Variants in FSTL5 observed in about 807,000 individuals in gnomAD.
FSTL5 encodes the protein follistatin like 5.
Under a neutral mutation model 89.1 loss-of-function variants are expected in FSTL5, and 62 were observed. That is an observed-to-expected ratio of 0.70 (90% CI 0.57 to 0.86). FSTL5 has a LOEUF of 0.86. Ranked by LOEUF, FSTL5 falls within the 40% of genes least tolerant of loss-of-function variation. FSTL5 has a pLI of 0.00. For missense variants in FSTL5, 1,057 were observed against 1,001.6 expected (o/e 1.06, Z -0.75); for synonymous variants, 383 against 346.2 (o/e 1.11, Z -1.18).
chr4:161,490,239 A>T (rs4373120), intron 12 of FSTL5, among the ~76,000 whole-genome samples: 2 of 151,908 alleles, frequency 1.3e-5, no homozygotes, highest in Admixed American at 6.6e-5. Context: ...TGAAGATGGA[A>T]CATCCGATAT....
intron 3 of FSTL5, among the ~76,000 whole-genome samples, chr4:161,980,360 A>T (rs1490744048): frequency 6.6e-6 from 1 of 152,130 alleles, no homozygotes; most frequent in Non-Finnish European, 1.5e-5. Context: ...GGATTTGAAA[A>T]GTAAAATTGA....
intron 4 of FSTL5, among the ~76,000 whole-genome samples, chr4:161,808,936 T>C (rs1224565709): frequency 6.6e-6 from 1 of 152,108 alleles, no homozygotes; most frequent in South Asian, 2.1e-4. Context: ...ACGTAAATCA[T>C]GACCGGGTGC....
chr4:162,040,142 T>C (rs910000328), intron 2 of FSTL5, among the ~76,000 whole-genome samples: 3 of 152,060 alleles, frequency 2.0e-5, no homozygotes, highest in Non-Finnish European at 2.9e-5. Flanking sequence ...TAATTATTAC[T>C]TCCCAGACAA....
At chr4:161,796,338 A>G (rs1729633469) in intron 4 of FSTL5, among the ~76,000 whole-genome samples, 1 of 151,818 alleles carries the variant, frequency 6.6e-6, no homozygotes, top group South Asian at 2.1e-4. Context: ...AGGAATCCCA[A>G]GACTTCTTAG....
At chr4:161,808,644 A>G (rs139620326) in intron 4 of FSTL5, among the ~76,000 whole-genome samples, 1,976 of 152,266 alleles carry the variant, frequency 0.013, 23 homozygotes, top group Non-Finnish European at 0.021. Flanking sequence ...AAACCCAGAT[A>G]AAATGAAACT....
At chr4:161,749,779 G>A (rs1004169615) in intron 6 of FSTL5, among the ~76,000 whole-genome samples, 113 of 150,670 alleles carry the variant, frequency 7.5e-4, no homozygotes, top group African/African-American at 4.9e-5. Context: ...GCGACAGAGC[G>A]AGACTCCGTC....
chr4:161,612,241 AT>A (rs1279236213), intron 7 of FSTL5, among the ~76,000 whole-genome samples: 1 of 152,232 alleles, frequency 6.6e-6, no homozygotes, highest in Non-Finnish European at 1.5e-5. Context: ...GAGGAAATGA[AT>A]TTTGCATTAA....
intron 4 of FSTL5, among the ~76,000 whole-genome samples, chr4:161,809,008 G>A (rs575502731): frequency 1.3e-5 from 2 of 152,278 alleles, no homozygotes; most frequent in South Asian, 4.1e-4. Context: ...CACGAGGTCA[G>A]AAGATCGAGA....
At chr4:162,121,374 C>T (rs1307053895) in intron 1 of FSTL5, among the ~76,000 whole-genome samples, 3 of 151,838 alleles carry the variant, frequency 2.0e-5, no homozygotes, top group Non-Finnish European at 4.4e-5. Context: ...CATTTTTTAC[C>T]TCTCAAAACA....
intron 2 of FSTL5, among the ~76,000 whole-genome samples, chr4:162,077,240 G>T (rs191075930): frequency 6.6e-6 from 1 of 151,870 alleles, no homozygotes; most frequent in East Asian, 2.0e-4. Context: ...GAAAGAGGGA[G>T]CCCAACTGGT....
At chr4:161,593,091 T>C (rs1327323876) in intron 7 of FSTL5, among the ~76,000 whole-genome samples, 1 of 152,176 alleles carries the variant, frequency 6.6e-6, no homozygotes, top group Non-Finnish European at 1.5e-5. Flanking sequence ...TGTTTATTTC[T>C]AAATTTTTAA....
intron 6 of FSTL5, among the ~76,000 whole-genome samples, chr4:161,740,341 T>G (rs1739974479): frequency 6.6e-6 from 1 of 152,096 alleles, no homozygotes; most frequent in African/African-American, 2.4e-5. Context: ...AGTATCGCTT[T>G]TAGTATTTGA....
At chr4:161,951,273 C>T (rs1734886756) in intron 3 of FSTL5, among the ~76,000 whole-genome samples, 1 of 151,988 alleles carries the variant, frequency 6.6e-6, no homozygotes, top group Admixed American at 6.6e-5. Context: ...TCTTTATTAG[C>T]GTGTAAGAAC....
At chr4:161,910,153 T>C (rs1733649449) in intron 4 of FSTL5, among the ~76,000 whole-genome samples, 2 of 152,114 alleles carry the variant, frequency 1.3e-5, no homozygotes, top group Admixed American at 1.3e-4. Flanking sequence ...TCCTTACGAC[T>C]TTTTTCCTTG....
chr4:161,720,571 T>C (rs1161004394), intron 6 of FSTL5, among the ~76,000 whole-genome samples: 1 of 152,188 alleles, frequency 6.6e-6, no homozygotes, highest in Non-Finnish European at 1.5e-5. Context: ...CTATGTTCAT[T>C]ATGGTATTAT....
chr4:161,783,655 CTTTCTT>C (rs1741756349), intron 4 of FSTL5, among the ~76,000 whole-genome samples: 1 of 76,844 alleles, frequency 1.3e-5, no homozygotes, highest in Non-Finnish European at 2.6e-5. Flanking sequence ...CTCTCTCTTT[CTTTCTT>C]TCTCTTTCTT....
intron 8 of FSTL5, among the ~76,000 whole-genome samples, chr4:161,575,495 C>G (rs571686574): frequency 1.3e-5 from 2 of 151,918 alleles, no homozygotes; most frequent in South Asian, 4.2e-4. Flanking sequence ...CACTCTGTTG[C>G]CCAGGCTGGA....
chr4:162,010,361 A>T lies in FSTL5; in HGVS notation c.160+23264T>A, dbSNP rs897376077. On this transcript the variant is annotated intron_variant, in intron 3 of 15. Coordinates refer to ENST00000306100, the MANE Select transcript of FSTL5 (RefSeq NM_020116.5). ...AATTCAGAGATACATTTGATTCTTA[A>T]AGATCAAGAGAAGTTAAATATTAAT... 3.3e-5 allele frequency among the ~76,000 whole-genome samples: 5 copies of T among 152,186 alleles called. 1 individual carries two copies. Among genetic ancestry groups the T allele is most frequent in the African/African-American group, 1.2e-4 (5 of 41,454 alleles).
chr4:161,615,745 TCTC>T (rs1428162169), intron 7 of FSTL5, among the ~76,000 whole-genome samples: 7 of 152,258 alleles, frequency 4.6e-5, no homozygotes, highest in Non-Finnish European at 1.5e-5. Context: ...GAGATTGAAT[TCTC>T]CTCACTATAT....
Sources: gnomAD v4.1 joint callset for allele counts (sites outside exome capture counted in the v4.1 genomes callset) on GRCh38, gnomAD v4.1.1 for gene constraint, MANE v1.5 for transcripts, NCBI Gene and HGNC (gene_info 2026-07-23, HGNC 2026-07-21) for gene names.